The following SRFBP1 variants were observed in gnomAD, a reference collection of about 807,000 sequenced individuals.
SRFBP1 encodes the protein serum response factor-binding protein 1.
In SRFBP1, 47 loss-of-function variants were observed where a neutral mutation model predicts 45.5. That is an observed-to-expected ratio of 1.03 (90% CI 0.82 to 1.32). The LOEUF is 1.32. Among genes scored for constraint, SRFBP1 ranks in the 40% most tolerant of loss-of-function variants. SRFBP1 has a pLI of 0.00. For missense variants in SRFBP1, 621 were observed against 484.6 expected (o/e 1.28, Z -2.64); for synonymous variants, 203 against 166.3 (o/e 1.22, Z -1.70).
intron 4 of SRFBP1, among the ~76,000 whole-genome samples, chr5:121,997,192 AG>A (rs1752746333): frequency 6.7e-6 from 1 of 148,758 alleles, no homozygotes; most frequent in Admixed American, 6.7e-5. Flanking sequence ...ACCAAAAAAG[AG>A]CCCCCATCGC....
At chr5:121,970,221 G>A (rs1284996309) in intron 1 of SRFBP1, among the ~76,000 whole-genome samples, 1 of 152,022 alleles carries the variant, frequency 6.6e-6, no homozygotes, top group Non-Finnish European at 1.5e-5. Flanking sequence ...TATTCCTTTT[G>A]CTTTTAGAAT....
intron 2 of SRFBP1, among the ~76,000 whole-genome samples, chr5:122,046,773 G>T (rs1195153710): frequency 2.6e-5 from 4 of 152,132 alleles, no homozygotes; most frequent in African/African-American, 4.8e-5. Context: ...ATTGTGGTTT[G>T]GATTTGCACT....
intron 2 of SRFBP1, among the ~76,000 whole-genome samples, chr5:122,046,628 T>A (rs1355982292): frequency 6.6e-6 from 1 of 152,222 alleles, no homozygotes; most frequent in Non-Finnish European, 1.5e-5. Flanking sequence ...CCACACTGAC[T>A]TCCACAATGG....
At chr5:122,026,725 A>G (rs983606501) in intron 7 of SRFBP1, among the ~76,000 whole-genome samples, 3 of 152,192 alleles carry the variant, frequency 2.0e-5, no homozygotes, top group Non-Finnish European at 4.4e-5. Context: ...ACATCTACTT[A>G]TAAGTGTTAG....
chr5:122,020,572 T>C lies in SRFBP1; in HGVS notation c.837T>C (p.Ser279=). The C allele has an allele frequency of 6.2e-7, 1 of 1,614,064 alleles. No homozygotes were observed. ...AGCAGTCTTCCATGTCTGAAGATAG[T>C]GATAGCGGTGACGACTTCTTCATTG... ...FYKQSSMSED[S]DSGDDFFIGK... is the part of the protein sequence containing the mutation. The change falls in exon 6 of 8, where the codon AGT becomes AGC. Residue 279 remains serine, a synonymous_variant. Coordinates refer to ENST00000339397, the MANE Select transcript of SRFBP1 (RefSeq NM_152546.3).
At chr5:122,075,634 A>T (rs907749337), downstream of SRFBP1, 1 of 797,636 alleles carries the variant, frequency 1.3e-6, no homozygotes, top group Non-Finnish European at 1.9e-6. Context: ...AGTAGTGACA[A>T]TCCTCCTTTC....
chr5:122,007,757 G>C (rs557987036), intron 4 of SRFBP1, among the ~76,000 whole-genome samples: 1 of 151,974 alleles, frequency 6.6e-6, no homozygotes, highest in Non-Finnish European at 1.5e-5. Context: ...TGGGGCCTTG[G>C]GGACTCAGCC....
chr5:122,074,195 G>A, intron 2 of SRFBP1: 1 of 1,604,100 alleles, frequency 6.2e-7, no homozygotes, highest in Non-Finnish European at 8.5e-7. Context: ...ACAAAAAGAT[G>A]GTGGTCAGTT....
At chr5:122,021,833 C>T (rs758312951) in intron 6 of SRFBP1, among the ~76,000 whole-genome samples, 4 of 151,186 alleles carry the variant, frequency 2.6e-5, no homozygotes, top group Non-Finnish European at 4.4e-5. Flanking sequence ...CATGCCACCA[C>T]GCCCGGCTAA....
chr5:121,963,263 C>G (rs1376458494), intron 1 of SRFBP1, among the ~76,000 whole-genome samples: 1 of 152,118 alleles, frequency 6.6e-6, no homozygotes, highest in African/African-American at 2.4e-5. Flanking sequence ...GCCAGATTAA[C>G]GAGTCAGGAT....
At chr5:121,963,760 A>T (rs570504371) in intron 1 of SRFBP1, among the ~76,000 whole-genome samples, 13 of 152,330 alleles carry the variant, frequency 8.5e-5, no homozygotes, top group African/African-American at 2.9e-4. Context: ...GGAACTACAC[A>T]CATCCACCAC....
At chr5:121,968,353 T>A (rs972142423) in intron 1 of SRFBP1, among the ~76,000 whole-genome samples, 1 of 152,002 alleles carries the variant, frequency 6.6e-6, no homozygotes, top group Non-Finnish European at 1.5e-5. Context: ...GTGAGAGATT[T>A]CATTATGCTA....
intron 2 of SRFBP1, among the ~76,000 whole-genome samples, chr5:122,046,011 T>G (rs550050612): frequency 6.6e-6 from 1 of 152,270 alleles, no homozygotes; most frequent in Admixed American, 6.5e-5. Context: ...TGGCTCTTAT[T>G]ATTTAAAAGT....
At chr5:122,003,503 A>G (rs554222721) in intron 4 of SRFBP1, among the ~76,000 whole-genome samples, 1 of 152,328 alleles carries the variant, frequency 6.6e-6, no homozygotes, top group African/African-American at 2.4e-5. Flanking sequence ...GTCAAAATAC[A>G]ATAATTGGTT....
intron 4 of SRFBP1, among the ~76,000 whole-genome samples, chr5:122,010,281 T>A (rs1468351056): frequency 6.6e-6 from 1 of 152,138 alleles, no homozygotes; most frequent in Non-Finnish European, 1.5e-5. Context: ...TCCTTTTTGT[T>A]CTTGTTGTTT....
intron 1 of SRFBP1, among the ~76,000 whole-genome samples, chr5:121,970,078 G>A (rs1158845810): frequency 6.6e-6 from 1 of 152,006 alleles, no homozygotes; most frequent in Non-Finnish European, 1.5e-5. Context: ...CTTCTGGGTT[G>A]TCAGCCAACT....
chr5:122,001,587 C>T (rs1231416950), intron 4 of SRFBP1, among the ~76,000 whole-genome samples: 4 of 135,778 alleles, frequency 2.9e-5, no homozygotes, highest in African/African-American at 5.6e-5. Flanking sequence ...CGGAGTCTCG[C>T]TCTGTCGCCC....
chr5:122,039,888 A>G (rs760871740), intron 2 of SRFBP1, among the ~76,000 whole-genome samples: 4 of 152,168 alleles, frequency 2.6e-5, no homozygotes, highest in Non-Finnish European at 2.9e-5. Flanking sequence ...TATTTGAGTA[A>G]TTGGGTTATC....
intron 2 of SRFBP1, chr5:122,074,308 A>G: frequency 1.5e-6 from 1 of 680,354 alleles, no homozygotes; most frequent in Non-Finnish European, 2.4e-6. Context: ...TAAAAGAGAG[A>G]TTCATGCTAG....
Sources: allele counts gnomAD v4.1 joint callset (sites outside exome capture counted in the v4.1 genomes callset), GRCh38; gene constraint gnomAD v4.1.1; transcripts MANE v1.5; gene names NCBI Gene and HGNC (gene_info 2026-07-23, HGNC 2026-07-21).